Variants in SMURF1 observed in about 807,000 individuals in gnomAD.
SMURF1 encodes SMAD specific E3 ubiquitin protein ligase 1, also known as E3 ubiquitin-protein ligase SMURF1.
SMURF1 carries 44 observed loss-of-function variants against 98.0 expected under a neutral mutation model. That is an observed-to-expected ratio of 0.45 (90% CI 0.35 to 0.58). SMURF1 has a LOEUF of 0.58. Among genes scored for constraint, SMURF1 ranks in the 20% least tolerant of loss-of-function variants. SMURF1 has a pLI of 0.00. For synonymous variants in SMURF1, 396 were observed against 374.9 expected (o/e 1.06, Z -0.65); for missense variants, 687 against 938.4 (o/e 0.73, Z 3.50).
At position 99,037,103 on chromosome 7, in the gene SMURF1, T is replaced by G; in HGVS notation, c.1773A>C (p.Gln591His). The change falls in exon 15 of 18, where the codon CAA becomes CAC. Residue 591 changes from glutamine to histidine, a missense_variant. Coordinates refer to ENST00000361368, the MANE Select transcript of SMURF1 (RefSeq NM_181349.3). ...TCTGGTCAAAAGGCTTCAGCAGATG[T>G]TGAGGGATGAGCTCATTGAACCCCT... ...LQKGFNELIP[Q>H]HLLKPFDQKE... The G allele has an allele frequency of 6.2e-7, 1 of 1,614,150 alleles. No individual in the cohort carries two copies. Among genetic ancestry groups the G allele is most frequent in the East Asian group, 2.2e-5 (1 of 44,890 alleles).
intron 11 of SMURF1, among the ~76,000 whole-genome samples, chr7:99,044,215 G>A (rs1795495152): frequency 6.6e-6 from 1 of 152,156 alleles, no homozygotes; most frequent in African/African-American, 2.4e-5. Context: ...AGGGGGCTGA[G>A]GCATGAGAAT....
chr7:99,068,669 C>A (rs1398514443), intron 1 of SMURF1, among the ~76,000 whole-genome samples: 1 of 152,128 alleles, frequency 6.6e-6, no homozygotes. Flanking sequence ...ACAACAACAA[C>A]AAAAATCTCT....
chr7:99,088,835 T>G (rs1400592867), intron 1 of SMURF1, among the ~76,000 whole-genome samples: 5 of 151,386 alleles, frequency 3.3e-5, no homozygotes, highest in Admixed American at 6.6e-5. Context: ...GAGGCTGAGG[T>G]GGGTGGATCA....
At chr7:99,070,647 G>A (rs1796295636) in intron 1 of SMURF1, among the ~76,000 whole-genome samples, 1 of 132,444 alleles carries the variant, frequency 7.6e-6, no homozygotes, top group African/African-American at 2.5e-5. Flanking sequence ...ATTAGGTAAT[G>A]ACTTTTTTTT....
chr7:99,038,681 G>C (rs1283288491), intron 13 of SMURF1, among the ~76,000 whole-genome samples, 156 bp from the exon 14 acceptor site: 1 of 152,154 alleles, frequency 6.6e-6, no homozygotes, highest in Non-Finnish European at 1.5e-5. Context: ...ACAGCAACAG[G>C]TGCTGGAGGA....
intron 1 of SMURF1, among the ~76,000 whole-genome samples, chr7:99,115,131 T>G (rs1797408316): frequency 6.6e-6 from 1 of 151,546 alleles, no homozygotes; most frequent in Non-Finnish European, 1.5e-5. Flanking sequence ...AAGGAAATAT[T>G]AAAGATTAGA....
chr7:99,036,165 T>TC (rs2150498778), intron 15 of SMURF1: 1 of 198,690 alleles, frequency 5.0e-6, no homozygotes, highest in East Asian at 1.3e-4. Context: ...AGGGCATGTT[T>TC]CCGCAATTGG....
chr7:99,056,352 G>C (rs935927446), intron 5 of SMURF1, among the ~76,000 whole-genome samples: 2 of 152,014 alleles, frequency 1.3e-5, no homozygotes, highest in African/African-American at 4.8e-5. Context: ...ACTAATACAA[G>C]TGGGTGGATA....
At chr7:99,047,203 G>GC (rs1428949851) in intron 10 of SMURF1, among the ~76,000 whole-genome samples, 2 of 152,192 alleles carry the variant, frequency 1.3e-5, no homozygotes, top group Non-Finnish European at 2.9e-5. Flanking sequence ...AAGCAGGATG[G>GC]CCCCCAGCCC....
At chr7:99,071,809 C>T (rs1796330555) in intron 1 of SMURF1, among the ~76,000 whole-genome samples, 1 of 152,150 alleles carries the variant, frequency 6.6e-6, no homozygotes, top group African/African-American at 2.4e-5. Flanking sequence ...CTCAGCGGCT[C>T]ATGCCTGTAA....
intron 11 of SMURF1, among the ~76,000 whole-genome samples, chr7:99,042,442 T>C (rs968785223): frequency 7.2e-5 from 11 of 152,264 alleles, no homozygotes; most frequent in Middle Eastern, 6.8e-3. Flanking sequence ...CCCGGCTATT[T>C]TCTGGATTTT....
At position 99,104,044 on chromosome 7, in the gene SMURF1, G is replaced by A. The variant is rs112734380; in HGVS notation, c.55+39682C>T. ...AGGGATTACATGCGTGCGTCACCAC[G>A]CCTGGGTAATTTTTGTATTTTTAGT... is the stretch of plus-strand genomic sequence containing the variant. On this transcript the variant is annotated intron_variant, in intron 1 of 17. Transcript: ENST00000361368. Among the ~76,000 whole-genome samples, 1,285 of 151,990 alleles carry A rather than the reference G, an allele frequency of 8.5e-3. 29 individuals carry two copies. The highest frequency in any genetic ancestry group is 0.029 in the African/African-American group (1,184 of 41,446).
intron 1 of SMURF1, among the ~76,000 whole-genome samples, chr7:99,119,830 T>C (rs1228801011): frequency 2.0e-5 from 3 of 152,202 alleles, no homozygotes; most frequent in African/African-American, 7.2e-5. Flanking sequence ...ATACTCATGG[T>C]TATAGTCCAA....
chr7:99,045,557 T>C (rs2150517771), intron 11 of SMURF1, 141 bp downstream of exon 11: 1 of 656,984 alleles, frequency 1.5e-6, no homozygotes, highest in Non-Finnish European at 2.7e-6. Context: ...CTGAAGCCAG[T>C]GCATGATGGC....
intron 9 of SMURF1, 156 bp from the exon 10 acceptor site, chr7:99,048,038 G>A (rs927196817): frequency 4.4e-6 from 3 of 681,122 alleles, no homozygotes; most frequent in Non-Finnish European, 7.5e-6. Context: ...CTAGCTAGCT[G>A]TGTCAAACTT....
Position 99,029,373 on chromosome 7 carries a change from C to G in SMURF1, c.*1211G>C, listed in dbSNP as rs951272832. ...AAACTGGAAATGGTGTCAGAAACTT[C>G]GAATCTAGCCTTGCTTCTGGCCTTG... is the stretch of plus-strand genomic sequence containing the variant. On this transcript the variant is annotated 3_prime_UTR_variant, in exon 18 of 18. Coordinates refer to ENST00000361368, the MANE Select transcript of SMURF1 (RefSeq NM_181349.3). The G allele has an allele frequency of 6.6e-6, 1 of 152,324 alleles. No homozygotes were observed. Among genetic ancestry groups the G allele is most frequent in the Admixed American group, 6.5e-5 (1 of 15,270 alleles). The allele number at this position is 152,324 out of a possible 1,614,324, so 9.4% of individuals were successfully genotyped here. A position where few individuals can be genotyped will look rare whatever the true frequency, so the allele number is the denominator to read the frequency against.
intron 1 of SMURF1, among the ~76,000 whole-genome samples, chr7:99,075,209 C>G (rs1796424641): frequency 6.6e-6 from 1 of 152,178 alleles, no homozygotes; most frequent in Non-Finnish European, 1.5e-5. Flanking sequence ...GCCTCAACCT[C>G]CCAGGTTCAA....
At chr7:99,124,448 C>T (rs368217303) in intron 1 of SMURF1, among the ~76,000 whole-genome samples, 8 of 152,286 alleles carry the variant, frequency 5.3e-5, no homozygotes, top group African/African-American at 1.9e-4. Context: ...TGGAGAGACT[C>T]CAAGCTTTGG....
At chr7:99,133,615 T>C (rs1345192703) in intron 1 of SMURF1, among the ~76,000 whole-genome samples, 1 of 152,198 alleles carries the variant, frequency 6.6e-6, no homozygotes, top group Non-Finnish European at 1.5e-5. Context: ...TTCATTACAG[T>C]TGAACATATG....
Sources: gnomAD v4.1 joint callset for allele counts (sites outside exome capture counted in the v4.1 genomes callset) on GRCh38, gnomAD v4.1.1 for gene constraint, MANE v1.5 for transcripts, NCBI Gene and HGNC (gene_info 2026-07-23, HGNC 2026-07-21) for gene names.